UBR4: variants seen among roughly 807,000 people sequenced by gnomAD.
UBR4 encodes ubiquitin protein ligase E3 component n-recognin 4.
In UBR4, 124 loss-of-function variants were observed where a neutral mutation model predicts 575.6. The observed-to-expected ratio is 0.22, with a 90% CI of 0.19 to 0.25. UBR4 has a LOEUF of 0.25. Among genes scored for constraint, UBR4 ranks in the 10% least tolerant of loss-of-function variants. UBR4 has a pLI of 1.00. For synonymous variants in UBR4, 2,455 were observed against 2,473.7 expected, an observed-to-expected ratio of 0.99 and a Z score of 0.22; for missense variants, 4,818 against 6,478.8, an observed-to-expected ratio of 0.74 and a Z score of 8.80.
chr1:19,198,621 G>C lies in UBR4; in HGVS notation c.568C>G (p.Gln190Glu). ...VSPELRQKEV[Q>E]MNFLNQLTSV... is the part of the protein sequence containing the mutation. ...GTCAGCTGGTTCAAAAAATTCATCT[G>C]TACCTCCTTTTGCCTCAACTCAGGG... The change falls in exon 5 of 106, where the codon CAG becomes GAG. Residue 190 changes from glutamine (Q) to glutamate (E), a missense_variant. Gln to Glu is a conservative substitution (Grantham distance 29, BLOSUM62 2). This residue lies in a region of UBR4 where 83 missense variants were observed against 77.3 expected (regional missense o/e 1.07). Coordinates refer to ENST00000375254, the MANE Select transcript of UBR4 (RefSeq NM_020765.3). The C allele has an allele frequency of 6.2e-7, 1 of 1,614,168 alleles. No individual in the cohort carries two copies. The highest frequency in any genetic ancestry group is 8.5e-7 in the Non-Finnish European group (1 of 1,180,022).
chr1:19,158,123 C>T (rs1208528968), intron 39 of UBR4, 126 bp from the exon 40 acceptor site: 2 of 962,868 alleles, frequency 2.1e-6, no homozygotes, highest in African/African-American at 3.3e-5. Context: ...ATTTCGGCCT[C>T]CAAACCGTGG....
At chr1:19,142,127 A>G (rs1418327123) in intron 55 of UBR4, among the ~76,000 whole-genome samples, 1 of 152,250 alleles carries the variant, frequency 6.6e-6, no homozygotes, top group East Asian at 1.9e-4. Context: ...TGGATAAGAC[A>G]GGAAAAATCA....
Position 19,088,674 on chromosome 1 carries a change from C to T in UBR4, c.14430+85G>A. On this transcript the variant is annotated intron_variant, in intron 98 of 105. Coordinates refer to ENST00000375254, the MANE Select transcript of UBR4 (RefSeq NM_020765.3). The surrounding 1 kb of genome is among the most constrained non-coding windows in gnomAD (Gnocchi z 4.0). Reference sequence around the variant, plus strand: ...TACTCTGTCCAGCCTTCTCTTTCCCCATGGCCAACCCCAGGGCTGTCCCAT... The same window carrying T: ...TACTCTGTCCAGCCTTCTCTTTCCCTATGGCCAACCCCAGGGCTGTCCCAT... The T allele has an allele frequency of 7.0e-7, 1 of 1,423,952 alleles. No individual in the cohort carries two copies. The highest frequency in any genetic ancestry group is 9.8e-7 in the Non-Finnish European group (1 of 1,020,448). The allele number at this position is 1,423,952 out of a possible 1,614,324, so 88.2% of individuals were successfully genotyped here.
chr1:19,118,994 C>G (rs1416906845), intron 70 of UBR4, 37 bp from the exon 71 acceptor site: 6 of 1,598,830 alleles, frequency 3.8e-6, no homozygotes, highest in Non-Finnish European at 5.1e-6. Context: ...ACTTAAAGCC[C>G]AAGGTGAAGT....
chr1:19,124,347 T>C, intron 65 of UBR4, 194 bp downstream of exon 65: 1 of 638,120 alleles, frequency 1.6e-6, no homozygotes, highest in Non-Finnish European at 2.5e-6. Flanking sequence ...AGGTAAAGTA[T>C]GGCTTGTTTG....
chr1:19,113,528 C>T (rs1250170367), intron 77 of UBR4, 171 bp downstream of exon 77: 13 of 927,458 alleles, frequency 1.4e-5, no homozygotes, highest in East Asian at 4.9e-5. Context: ...CCATAAATCA[C>T]GGTGGGGGAG....
In UBR4 at chr1:19,153,384, G is replaced by A. The variant is rs1217796414; in HGVS notation, c.6749C>T (p.Ser2250Phe). The A allele has an allele frequency of 6.2e-7, 1 of 1,614,202 alleles. No homozygotes were observed. Among genetic ancestry groups the A allele is most frequent in the East Asian group, 2.2e-5 (1 of 44,882 alleles). ...RIYMANVENT[S>F]YWLQPSLQPS... ...CTGCAGGGATGGCTGCAGCCAGTAGGAGGTGTTCTCCACGTTGGCCATGTA... is the reference window on the plus strand; with the variant it reads ...CTGCAGGGATGGCTGCAGCCAGTAGAAGGTGTTCTCCACGTTGGCCATGTA... The change falls in exon 46 of 106, where the codon TCC becomes TTC. Residue 2250 changes from serine to phenylalanine, a missense_variant. This residue lies in a region of UBR4 where 461 missense variants were observed against 606.9 expected (regional missense o/e 0.76). Transcript: ENST00000375254. The surrounding 1 kb of genome is among the most constrained non-coding windows in gnomAD (Gnocchi z 4.1).
Position 19,117,107 on chromosome 1 carries a change from G to T in UBR4, c.10823+114C>A. ...TGGTCATGAATGGAGGGGCCAAGAG[G>T]ATGTATTAGGCCTCTAGGGATGTGC... On this transcript the variant is annotated intron_variant, in intron 73 of 105. Transcript: ENST00000375254. The surrounding 1 kb of genome is among the most constrained non-coding windows in gnomAD (Gnocchi z 4.0). 1 of 1,120,562 alleles carries T rather than the reference G, an allele frequency of 8.9e-7. No homozygotes were observed. The highest frequency in any genetic ancestry group is 1.3e-6 in the Non-Finnish European group (1 of 768,776). 69.4% of individuals were successfully genotyped at this position (1,120,562 alleles called of 1,614,324 possible). A position where few individuals can be genotyped will look rare whatever the true frequency, so the allele number is the denominator to read the frequency against.
intron 11 of UBR4, among the ~76,000 whole-genome samples, chr1:19,189,810 A>T (rs2091897766): frequency 6.6e-6 from 1 of 152,138 alleles, no homozygotes; most frequent in African/African-American, 2.4e-5. Flanking sequence ...GAAAATGGCC[A>T]CTCATAAAAT....
intron 103 of UBR4, chr1:19,080,949 C>T (rs548825718): frequency 9.3e-5 from 16 of 171,254 alleles, no homozygotes; most frequent in South Asian, 4.6e-4. Flanking sequence ...AGAATGAAGA[C>T]GAGTTTTTAA....
At chr1:19,161,948 C>T (rs932907990) in intron 35 of UBR4, 51 bp from the exon 36 acceptor site, 2 of 1,603,780 alleles carry the variant, frequency 1.2e-6, no homozygotes, top group Non-Finnish European at 8.5e-7. Flanking sequence ...TGCATATAAA[C>T]ACCCACAAAA....
chr1:19,168,256 A>T, intron 27 of UBR4, 72 bp from the exon 28 acceptor site: 14 of 1,409,916 alleles, frequency 9.9e-6, no homozygotes, highest in Non-Finnish European at 1.2e-5. Flanking sequence ...TGGAAAAAAA[A>T]ACTGACATAA....
chr1:19,197,378 C>T (rs1047282511), intron 7 of UBR4, 113 bp from the exon 8 acceptor site: 30 of 1,462,816 alleles, frequency 2.1e-5, no homozygotes, highest in African/African-American at 1.3e-4. Flanking sequence ...CCTATAATTC[C>T]GACACTTCAG....
intron 1 of UBR4, among the ~76,000 whole-genome samples, chr1:19,206,079 T>C (rs574316329): frequency 5.9e-5 from 9 of 152,370 alleles, no homozygotes; most frequent in African/African-American, 1.9e-4. Context: ...ATGTGCTCCA[T>C]TGAGCTAGTT....
chr1:19,105,279 A>G (rs2079061438), intron 84 of UBR4, 90 bp from the exon 85 acceptor site: 4 of 1,447,078 alleles, frequency 2.8e-6, no homozygotes, highest in Middle Eastern at 2.4e-4. Flanking sequence ...AATCTTTCCT[A>G]TCTTCTGCTG....
rs950341983 is a variant in UBR4 at position 19,147,075 on chromosome 1, T to G, written c.7630-75A>C. 9.5e-6 allele frequency: 14 copies of G among 1,471,556 alleles called. No homozygotes were observed. The African/African-American group carries it at 1.6e-4, about 16-fold the overall frequency. The allele number at this position is 1,471,556 out of a possible 1,614,324, so 91.2% of individuals were successfully genotyped here. ...ACAAAAGCAAAGAGGAGAGAAAAGC[T>G]GGCAGATCACCAGGATTATTACCTC... On this transcript the variant is annotated intron_variant, in intron 51 of 105. Transcript: ENST00000375254.
At chr1:19,159,982 T>C in intron 39 of UBR4, 129 bp downstream of exon 39, 5 of 1,201,160 alleles carry the variant, frequency 4.2e-6, no homozygotes, top group African/African-American at 1.5e-5. Flanking sequence ...ATGTCTTAGA[T>C]TCTAAGTTTT....
intron 35 of UBR4, 101 bp from the exon 36 acceptor site, chr1:19,161,998 G>T: frequency 7.4e-7 from 1 of 1,358,030 alleles, no homozygotes; most frequent in Non-Finnish European, 1.0e-6. Context: ...GTGAATAGTT[G>T]ACTCGCAAAT....
In UBR4 at chr1:19,106,681, T is replaced by C; in HGVS notation, c.12281A>G (p.His4094Arg). The C allele has an allele frequency of 2.5e-6, 4 of 1,609,398 alleles. No homozygotes were observed. The highest frequency in any genetic ancestry group is 3.4e-6 in the Non-Finnish European group (4 of 1,177,428). Reference protein sequence around the residue: ...GKAPSKSELRHLYLTEKYVWR... With the variant: ...GKAPSKSELRRLYLTEKYVWR... Reference sequence around the variant, plus strand: ...CACATACTTCTCAGTCAAATAGAGATGGCGGAGCTCTGATTTGCTGGGGGC... The same window carrying C: ...CACATACTTCTCAGTCAAATAGAGACGGCGGAGCTCTGATTTGCTGGGGGC... Residue 4094 changes from histidine (H) to arginine (R), a missense_variant, in exon 83 of 106, where the codon CAT becomes CGT. By Grantham distance (29) the His-to-Arg change is conservative (BLOSUM62 0). Coordinates refer to ENST00000375254, the MANE Select transcript of UBR4 (RefSeq NM_020765.3).
Sources: gnomAD v4.1 joint callset for allele counts (sites outside exome capture counted in the v4.1 genomes callset) on GRCh38, gnomAD v4.1.1 for gene constraint, gnomAD v4.1.1 regional missense constraint, Gnocchi (gnomAD v3.1) non-coding constraint, MANE v1.5 for transcripts, NCBI Gene and HGNC (gene_info 2026-07-23, HGNC 2026-07-21) for gene names.